Variants in CPHXL observed in about 807,000 individuals in gnomAD.
The protein encoded by CPHXL is cytoplasmic polyadenylated homeobox like, also known as cytoplasmic polyadenylated homeobox-like protein.
At chr16:75,721,872 A>G (rs191088149) in intron 1 of CPHXL, among the ~76,000 whole-genome samples, 24 of 152,348 alleles carry the variant, frequency 1.6e-4, no homozygotes, top group African/African-American at 5.5e-4. Flanking sequence ...CTCCTCAGCA[A>G]ATGTGAAAGA....
At chr16:75,722,457 A>G (rs560827455) in intron 1 of CPHXL, among the ~76,000 whole-genome samples, 19 of 152,322 alleles carry the variant, frequency 1.2e-4, no homozygotes, top group African/African-American at 4.1e-4. Flanking sequence ...ACAAACTACC[A>G]TCAGAGAATA....
intron 1 of CPHXL, among the ~76,000 whole-genome samples, chr16:75,720,449 G>T (rs1316955805): frequency 1.3e-5 from 2 of 152,184 alleles, no homozygotes; most frequent in African/African-American, 2.4e-5. Flanking sequence ...AGAACTACAT[G>T]ACGAATGCAC....
chr16:75,719,417 T>A (rs1490030559), intron 1 of CPHXL, among the ~76,000 whole-genome samples: 3 of 152,144 alleles, frequency 2.0e-5, no homozygotes, highest in Non-Finnish European at 4.4e-5. Context: ...ATACTGCGCT[T>A]TTCCAATGGT....
chr16:75,717,635 C>G (rs1959411357), intron 2 of CPHXL, among the ~76,000 whole-genome samples: 1 of 152,128 alleles, frequency 6.6e-6, no homozygotes, highest in Non-Finnish European at 1.5e-5. Context: ...CACCTGCAAC[C>G]TCCTCTCACA....
intron 1 of CPHXL, among the ~76,000 whole-genome samples, chr16:75,720,175 A>G (rs1298220492): frequency 1.3e-5 from 2 of 152,236 alleles, no homozygotes. Flanking sequence ...GAAAAACCGG[A>G]AACTCTAAAA....
In CPHXL at chr16:75,714,258, G is replaced by GA; in HGVS notation, c.1183dup (p.Ser395PhefsTer14). On this transcript the variant is annotated frameshift_variant, in exon 3 of 3. Coordinates refer to ENST00000640559, the MANE Select transcript of CPHXL (RefSeq NM_001355613.1). LOFTEE classifies it high-confidence loss of function. ...CTGCATTTGGGTCCTGGGTTGCTCT[G>GA]AAGCCCTTTCCTGCATATCTTGCCC... 2.5e-6 allele frequency: 1 copy of GA among 398,692 alleles called. No individual in the cohort carries two copies. The highest frequency in any genetic ancestry group is 3.6e-5 in the East Asian group (1 of 28,080). 24.7% of individuals were successfully genotyped at this position (398,692 alleles called of 1,614,324 possible). A position where few individuals can be genotyped will look rare whatever the true frequency, so the allele number is the denominator to read the frequency against.
At chr16:75,722,473 A>C (rs911531319) in intron 1 of CPHXL, among the ~76,000 whole-genome samples, 35 of 152,306 alleles carry the variant, frequency 2.3e-4, no homozygotes, top group South Asian at 8.3e-4. Flanking sequence ...GAATACTATA[A>C]ACACCTCTAC....
intron 1 of CPHXL, among the ~76,000 whole-genome samples, chr16:75,720,744 T>C (rs1055957336): frequency 1.6e-5 from 2 of 123,414 alleles, no homozygotes; most frequent in African/African-American, 7.8e-5. Context: ...ATTCAGGAAA[T>C]ACAGAGAACA....
intron 1 of CPHXL, among the ~76,000 whole-genome samples, chr16:75,722,005 C>G (rs1461802484): frequency 1.3e-5 from 2 of 152,186 alleles, no homozygotes; most frequent in Non-Finnish European, 2.9e-5. Flanking sequence ...TGAATGACTA[C>G]TGGGTACAAA....
chr16:75,724,829 T>C (rs1017796036), intron 1 of CPHXL, among the ~76,000 whole-genome samples: 91 of 152,286 alleles, frequency 6.0e-4, no homozygotes, highest in African/African-American at 2.1e-3. Context: ...TGCACACGTA[T>C]GTTTATAGCA....
chr16:75,722,806 A>AT lies in CPHXL; in HGVS notation c.25+3611dup, dbSNP rs527582582. On this transcript the variant is annotated intron_variant, in intron 1 of 2. Transcript: ENST00000640559. Reference sequence around the variant, plus strand: ...CTGGCAGAGACACAACAAAAAGAGAATTTTAGACCAATATCCCTGATGAAC... The same window carrying AT: ...CTGGCAGAGACACAACAAAAAGAGAATTTTTAGACCAATATCCCTGATGAAC... 1.1e-3 allele frequency among the ~76,000 whole-genome samples: 160 copies of AT among 152,286 alleles called. 1 individual carries two copies. The highest frequency in any genetic ancestry group is 3.7e-3 in the African/African-American group (152 of 41,564).
intron 1 of CPHXL, among the ~76,000 whole-genome samples, chr16:75,722,200 G>A (rs1438236625): frequency 6.6e-6 from 1 of 152,070 alleles, no homozygotes; most frequent in Non-Finnish European, 1.5e-5. Context: ...AAGAACTAGA[G>A]AAGCAAGAGG....
At chr16:75,724,726 A>G (rs1959528980) in intron 1 of CPHXL, among the ~76,000 whole-genome samples, 1 of 152,226 alleles carries the variant, frequency 6.6e-6, no homozygotes, top group African/African-American at 2.4e-5. Flanking sequence ...GCGATTCCTC[A>G]GGGATCTAGA....
Position 75,726,464 on chromosome 16 carries a change from T to C in CPHXL, c.-22A>G, listed in dbSNP as rs1337071662. On this transcript the variant is annotated 5_prime_UTR_variant, in exon 1 of 3. Transcript: ENST00000640559. ...TCATCTTGGGGTAGAAGACCTGGAC[T>C]TCACGGAGACCAGCAAGCAACTGAG... 3 of 398,482 alleles carry C rather than the reference T, an allele frequency of 7.5e-6. No individual in the cohort carries two copies. The highest frequency in any genetic ancestry group is 1.3e-5 in the Non-Finnish European group (3 of 226,066). The allele number at this position is 398,482 out of a possible 1,614,324, so 24.7% of individuals were successfully genotyped here.
chr16:75,717,290 A>C (rs1959405719), intron 2 of CPHXL, among the ~76,000 whole-genome samples: 1 of 152,214 alleles, frequency 6.6e-6, no homozygotes, highest in African/African-American at 2.4e-5. Context: ...TATTTTCACA[A>C]GTACATAATA....
intron 1 of CPHXL, among the ~76,000 whole-genome samples, chr16:75,725,162 T>C (rs1959536982): frequency 6.6e-6 from 1 of 151,874 alleles, no homozygotes; most frequent in Non-Finnish European, 1.5e-5. Context: ...CATTAGGAGA[T>C]GTGCCTAATG....
At position 75,715,067 on chromosome 16, in the gene CPHXL, G is replaced by A. The variant is rs1253951422; in HGVS notation, c.375C>T (p.Ser125=). 2.5e-6 allele frequency: 1 copy of A among 398,642 alleles called. No homozygotes were observed. Among genetic ancestry groups the A allele is most frequent in the Non-Finnish European group, 4.4e-6 (1 of 226,106 alleles). The allele number at this position is 398,642 out of a possible 1,614,324, so 24.7% of individuals were successfully genotyped here. A position where few individuals can be genotyped will look rare whatever the true frequency, so the allele number is the denominator to read the frequency against. Residue 125 remains serine (S), a synonymous_variant, in exon 3 of 3, where the codon AGC becomes AGT. Transcript: ENST00000640559. ...TCAGAGCCCTCTGGGCACCAGAGAGGCTCTGCTTGGTGGCATAGTTGTGAG... is the reference window on the plus strand; with the variant it reads ...TCAGAGCCCTCTGGGCACCAGAGAGACTCTGCTTGGTGGCATAGTTGTGAG... The part of the protein sequence containing the change: ...AAAHNYATKQ[S]LSGAQRALMR...
At chr16:75,726,255 C>G (rs1253686056) in intron 1 of CPHXL, among the ~76,000 whole-genome samples, 163 bp downstream of exon 1, 3 of 152,146 alleles carry the variant, frequency 2.0e-5, no homozygotes, top group Non-Finnish European at 4.4e-5. Context: ...ATTCAAGAGT[C>G]CAACTTCAAA....
intron 2 of CPHXL, among the ~76,000 whole-genome samples, chr16:75,717,553 T>C (rs1418661983): frequency 6.6e-6 from 1 of 152,164 alleles, no homozygotes; most frequent in Non-Finnish European, 1.5e-5. Flanking sequence ...ACATAAATAT[T>C]TCTTATTCTG....
Sources: allele counts gnomAD v4.1 joint callset (sites outside exome capture counted in the v4.1 genomes callset), GRCh38; gene constraint gnomAD v4.1.1; transcripts MANE v1.5; gene names NCBI Gene and HGNC (gene_info 2026-07-23, HGNC 2026-07-21).